HERC1: variants seen among roughly 807,000 people sequenced by gnomAD.
HERC1 encodes HECT and RLD domain containing E3 ubiquitin protein ligase family member 1.
HERC1 carries 160 observed loss-of-function variants against 554.3 expected under a neutral mutation model. The observed-to-expected ratio is 0.29, with a 90% confidence interval of 0.25 to 0.33. HERC1 has a LOEUF of 0.33. Ranked by LOEUF, HERC1 falls within the 10% of genes least tolerant of loss-of-function variation. The probability of loss-of-function intolerance (pLI) is 1.00; values close to 1 mark genes in which losing one functional copy is unlikely to be tolerated. For synonymous variants in HERC1, 2,175 were observed against 2,131.7 expected (o/e 1.02, Z -0.56); for missense variants, 4,919 against 5,918.5 (o/e 0.83, Z 5.54).
chr15:63,796,573 C>T (rs1329332998), intron 1 of HERC1, among the ~76,000 whole-genome samples: 2 of 152,172 alleles, frequency 1.3e-5, no homozygotes, highest in East Asian at 1.9e-4. Context: ...TAAGGACATG[C>T]CTGTGATACA....
At chr15:63,684,845 T>C (rs2071661507) in intron 34 of HERC1, among the ~76,000 whole-genome samples, 1 of 152,034 alleles carries the variant, frequency 6.6e-6, no homozygotes, top group Non-Finnish European at 1.5e-5. Flanking sequence ...CTATCTCTAC[T>C]AAAAATATAA....
intron 32 of HERC1, among the ~76,000 whole-genome samples, chr15:63,690,247 G>A (rs919314448): frequency 3.3e-5 from 5 of 151,350 alleles, no homozygotes; most frequent in African/African-American, 1.2e-4. Context: ...CTCTGATTAG[G>A]ACACTCCCAC....
At chr15:63,803,078 C>T (rs1287966958) in intron 1 of HERC1, among the ~76,000 whole-genome samples, 1 of 152,018 alleles carries the variant, frequency 6.6e-6, no homozygotes, top group Non-Finnish European at 1.5e-5. Flanking sequence ...AGTGGTGCAC[C>T]CCTATAGTCT....
chr15:63,628,802 T>C lies in HERC1; in HGVS notation c.12980A>G (p.His4327Arg). The C allele has an allele frequency of 1.2e-6, 2 of 1,613,446 alleles. No homozygotes were observed. Among genetic ancestry groups the C allele is most frequent in the Non-Finnish European group, 1.7e-6 (2 of 1,179,700 alleles). ...SNSEGQLGLG[H>R]TNHVREPTLV... ...GGTTGGTTCTCGAACATGGTTGGTA[T>C]GGCCTAAGCCGAGCTGGGAATAAAT... Residue 4327 changes from histidine to arginine, a missense_variant, in exon 70 of 78, where the codon CAT (histidine) becomes CGT (arginine). Coordinates refer to ENST00000443617, the MANE Select transcript of HERC1 (RefSeq NM_003922.4).
intron 8 of HERC1, among the ~76,000 whole-genome samples, chr15:63,752,163 C>T (rs1465730732): frequency 3.9e-5 from 6 of 152,232 alleles, no homozygotes; most frequent in Admixed American, 3.9e-4. Context: ...TTTTAGAACA[C>T]AAGGCATTCT....
At chr15:63,658,087 T>C (rs1474502134) in intron 48 of HERC1, among the ~76,000 whole-genome samples, 1 of 152,242 alleles carries the variant, frequency 6.6e-6, no homozygotes, top group South Asian at 2.1e-4. Context: ...TGCCATTAAA[T>C]ACTCCTGCTT....
At chr15:63,630,981 T>C (rs190412704) in intron 68 of HERC1, among the ~76,000 whole-genome samples, 1 of 152,298 alleles carries the variant, frequency 6.6e-6, no homozygotes, top group Non-Finnish European at 1.5e-5. Context: ...AAGTTTCTTA[T>C]GTTCTTTTTT....
At chr15:63,793,341 G>A (rs1024477396) in intron 1 of HERC1, among the ~76,000 whole-genome samples, 1 of 152,228 alleles carries the variant, frequency 6.6e-6, no homozygotes, top group African/African-American at 2.4e-5. Flanking sequence ...AGATGGCCAC[G>A]AAAGTGGCCT....
At chr15:63,785,854 T>G (rs1056053304) in intron 1 of HERC1, among the ~76,000 whole-genome samples, 1 of 152,162 alleles carries the variant, frequency 6.6e-6, no homozygotes, top group Non-Finnish European at 1.5e-5. Context: ...ACAGGATTGA[T>G]ATCTCAGAGA....
rs751286706 is a variant in HERC1 at position 63,686,582 on chromosome 15, CAGATA to C, written c.6049-52_6049-48del. ...CAGCATTTTGGAATAATCCATGTCTCAGATAAGATATATTCTGAGGCTCCTTGGTT... is the reference window on the plus strand; with the variant it reads ...CAGCATTTTGGAATAATCCATGTCTCAGATATATTCTGAGGCTCCTTGGTT... On this transcript the variant is annotated intron_variant, in intron 33 of 77. Coordinates refer to ENST00000443617, the MANE Select transcript of HERC1 (RefSeq NM_003922.4). The C allele has an allele frequency of 1.9e-5, 29 of 1,527,512 alleles. No homozygotes were observed. The South Asian group carries it at 3.2e-4, about 17-fold the overall frequency. The allele number at this position is 1,527,512 out of a possible 1,614,324, so 94.6% of individuals were successfully genotyped here. A position where few individuals can be genotyped will look rare whatever the true frequency, so the allele number is the denominator to read the frequency against.
At chr15:63,705,552 T>C (rs1185164601) in intron 25 of HERC1, among the ~76,000 whole-genome samples, 2 of 152,180 alleles carry the variant, frequency 1.3e-5, no homozygotes, top group East Asian at 1.9e-4. Context: ...CTGTTTTTTT[T>C]CTATGGATGA....
intron 1 of HERC1, among the ~76,000 whole-genome samples, chr15:63,805,619 G>A (rs2077114076): frequency 6.6e-6 from 1 of 152,104 alleles, no homozygotes; most frequent in African/African-American, 2.4e-5. Context: ...GTGAATTTAT[G>A]GTATGTTAAT....
chr15:63,728,763 C>T (rs1256877915), intron 16 of HERC1, among the ~76,000 whole-genome samples: 2 of 151,710 alleles, frequency 1.3e-5, no homozygotes, highest in East Asian at 3.9e-4. Flanking sequence ...GGATCCTCAA[C>T]ATTAGAGGGC....
chr15:63,760,435 C>CAAAAAAAAAAAAAAAAAAAA (rs34164820), intron 3 of HERC1, among the ~76,000 whole-genome samples: 1 of 91,424 alleles, frequency 1.1e-5, no homozygotes. Flanking sequence ...AGACACCATC[C>CAAAAAAAAAAAAAAAAAAAA]AAAAAAAAAA....
intron 73 of HERC1, 136 bp from the exon 74 acceptor site, chr15:63,623,027 C>G: frequency 3.3e-6 from 2 of 600,940 alleles, no homozygotes; most frequent in Non-Finnish European, 2.9e-6. Flanking sequence ...CAATTTCATA[C>G]TTTATTTTTG....
At chr15:63,703,040 G>C (rs1305512989) in intron 25 of HERC1, among the ~76,000 whole-genome samples, 2 of 150,748 alleles carry the variant, frequency 1.3e-5, no homozygotes, top group African/African-American at 2.4e-5. Context: ...GACCCGTGAG[G>C]AGGAGGTTGC....
In HERC1 at chr15:63,615,741, T is replaced by A. The variant is rs7178853; in HGVS notation, c.14094+27A>T. On this transcript the variant is annotated intron_variant, in intron 76 of 77. Coordinates refer to ENST00000443617, the MANE Select transcript of HERC1 (RefSeq NM_003922.4). ...TTGGAGAGAAACCCAAGCATTCATG[T>A]GTACCTCCCGAGATGTTTCATCTCA... is the stretch of plus-strand genomic sequence containing the variant. 1.0e-5 allele frequency: 16 copies of A among 1,549,572 alleles called. 1 individual carries two copies. The South Asian group carries it at 1.8e-4, about 17-fold the overall frequency.
rs1186618205 is a variant in HERC1, at chr15:63,749,747, T to G, written c.1947A>C (p.Ser649=). ...GCGACLGCGS[S]EATALRPKLI... The stretch of plus-strand genomic sequence containing the variant: ...GCTTGGGTCTCAAAGCAGTAGCTTC[T>G]GAAGAACCACAACCTAGACAAGCTC... Residue 649 remains serine, a synonymous_variant, in exon 9 of 78, where the codon TCA becomes TCC. Coordinates refer to ENST00000443617, the MANE Select transcript of HERC1 (RefSeq NM_003922.4). The surrounding 1 kb of genome is among the most constrained non-coding windows in gnomAD (Gnocchi z 4.1). The G allele has an allele frequency of 4.0e-5, 63 of 1,581,302 alleles. No individual in the cohort carries two copies. The highest frequency in any genetic ancestry group is 5.3e-5 in the Non-Finnish European group (62 of 1,162,888).
At chr15:63,831,848 G>A (rs947180670) in intron 1 of HERC1, among the ~76,000 whole-genome samples, 2 of 152,272 alleles carry the variant, frequency 1.3e-5, no homozygotes, top group South Asian at 2.1e-4. Flanking sequence ...ATTAAGTGAC[G>A]CATTTACATT....
Sources: gnomAD v4.1 joint callset for allele counts (sites outside exome capture counted in the v4.1 genomes callset) on GRCh38, gnomAD v4.1.1 for gene constraint, Gnocchi (gnomAD v3.1) non-coding constraint, MANE v1.5 for transcripts, NCBI Gene and HGNC (gene_info 2026-07-23, HGNC 2026-07-21) for gene names.